Variants in PFKFB2 observed in about 807,000 individuals in gnomAD.
PFKFB2 encodes the protein 6-phosphofructo-2-kinase/fructose-2,6-biphosphatase 2.
In PFKFB2, 53 loss-of-function variants were observed where a neutral mutation model predicts 68.0. That is an observed-to-expected ratio of 0.78 (90% CI 0.63 to 0.98). PFKFB2 has a LOEUF of 0.98. Among genes scored for constraint, PFKFB2 ranks in the 50% least tolerant of loss-of-function variants. PFKFB2 has a pLI of 0.00. For missense variants in PFKFB2, 451 were observed against 642.0 expected, an observed-to-expected ratio of 0.70 and a Z score of 3.22; for synonymous variants, 222 against 227.6, an observed-to-expected ratio of 0.98 and a Z score of 0.22.
rs529879403 is a variant in PFKFB2, at chr1:207,064,931, C to T, written c.508-105C>T. 6.4e-5 allele frequency: 85 copies of T among 1,320,178 alleles called. No homozygotes were observed. The African/African-American group carries it at 6.9e-4, about 11-fold the overall frequency. The allele number at this position is 1,320,178 out of a possible 1,614,324, so 81.8% of individuals were successfully genotyped here. A position where few individuals can be genotyped will look rare whatever the true frequency, so the allele number is the denominator to read the frequency against. Reference sequence around the variant, plus strand: ...GGAGTGCCAATGTTCCAGTGAAAGGCGACATTTATGGACTTCTTTTTCTTT... The same window carrying T: ...GGAGTGCCAATGTTCCAGTGAAAGGTGACATTTATGGACTTCTTTTTCTTT... On this transcript the variant is annotated intron_variant, in intron 7 of 14. Coordinates refer to ENST00000367080, the MANE Select transcript of PFKFB2 (RefSeq NM_006212.2).
intron 1 of PFKFB2, among the ~76,000 whole-genome samples, chr1:207,053,734 G>A (rs1031614671): frequency 1.3e-5 from 2 of 152,010 alleles, no homozygotes; most frequent in African/African-American, 2.4e-5. Context: ...TGAGTCCCGG[G>A]GGTAACTAGG....
downstream of PFKFB2, chr1:207,080,004 C>T (rs186453644): frequency 6.6e-6 from 1 of 152,330 alleles, no homozygotes; most frequent in East Asian, 1.9e-4. Context: ...CCACTGGTCA[C>T]TATTGTGGTC....
chr1:207,077,561 G>A lies in PFKFB2; in HGVS notation c.*5190G>A. 1 of 985,796 alleles carries A rather than the reference G, an allele frequency of 1.0e-6. No individual in the cohort carries two copies. The highest frequency in any genetic ancestry group is 1.2e-6 in the Non-Finnish European group (1 of 829,934). 61.1% of individuals were successfully genotyped at this position (985,796 alleles called of 1,614,324 possible). A position where few individuals can be genotyped will look rare whatever the true frequency, so the allele number is the denominator to read the frequency against. ...CCTTTGGGAAGGGGGATGGTGTGGG[G>A]CTGAGCACCTCTGGGTTGAATGGGA... On this transcript the variant is annotated 3_prime_UTR_variant, in exon 15 of 15. Transcript: ENST00000367080.
At chr1:207,061,129 C>CTTTATATA (rs1683088594) in intron 2 of PFKFB2, among the ~76,000 whole-genome samples, 1 of 69,948 alleles carries the variant, frequency 1.4e-5, no homozygotes, top group Non-Finnish European at 2.9e-5. Context: ...TTATATATAT[C>CTTTATATA]TTTATATATA....
chr1:207,071,369 C>T, intron 13 of PFKFB2, 119 bp downstream of exon 13: 1 of 1,074,918 alleles, frequency 9.3e-7, no homozygotes, highest in Non-Finnish European at 1.4e-6. Flanking sequence ...TCCATCAGTG[C>T]CTTCTGTTTT....
Position 207,066,655 on chromosome 1 carries a change from T to C in PFKFB2, c.633-844T>C, listed in dbSNP as rs146150824. Among the ~76,000 whole-genome samples the C allele has an allele frequency of 2.8e-4, 42 of 152,262 alleles. No homozygotes were observed. The East Asian group carries it at 6.0e-3, about 22-fold the overall frequency. ...TTTTTTGATTTAAAATAAGCACTTA[T>C]GACTTTTTTTTTGAGATGGAGTCTC... is the stretch of plus-strand genomic sequence containing the variant. On this transcript the variant is annotated intron_variant, in intron 8 of 14. Transcript: ENST00000367080.
intron 10 of PFKFB2, among the ~76,000 whole-genome samples, chr1:207,068,520 C>T (rs1231706519): frequency 6.6e-6 from 1 of 152,164 alleles, no homozygotes; most frequent in Non-Finnish European, 1.5e-5. Context: ...CTGTGCCAAT[C>T]ATGGGACCCA....
Position 207,071,207 on chromosome 1 carries a change from A to C in PFKFB2, c.1242A>C (p.Arg414Ser). ...DKGADELPYL[R>S]CPLHTIFKLT... is the part of the protein sequence containing the mutation. ...TTTCAGATGAGCTACCATACTTGAG[A>C]TGCCCTCTCCATACCATCTTCAAAC... Residue 414 changes from arginine (R) to serine (S), a missense_variant, in exon 13 of 15, where the codon AGA becomes AGC. Physicochemically the swap from Arg to Ser is moderately radical, Grantham distance 110. Coordinates refer to ENST00000367080, the MANE Select transcript of PFKFB2 (RefSeq NM_006212.2). 6.2e-7 allele frequency: 1 copy of C among 1,613,874 alleles called. No individual in the cohort carries two copies. The highest frequency in any genetic ancestry group is 1.6e-4 in the Middle Eastern group (1 of 6,062).
intron 1 of PFKFB2, among the ~76,000 whole-genome samples, chr1:207,039,312 T>C (rs1214684880): frequency 6.6e-6 from 1 of 152,216 alleles, no homozygotes; most frequent in Admixed American, 6.5e-5. Context: ...TAAGTCATAG[T>C]GGAAGAAAGT....
chr1:207,049,247 T>TA, upstream of PFKFB2: 1 of 1,614,122 alleles, frequency 6.2e-7, no homozygotes, highest in African/African-American at 1.3e-5. Flanking sequence ...TCAGGGAAGT[T>TA]ACGCTGAAGT....
chr1:207,060,174 C>A (rs1204386622), intron 2 of PFKFB2, among the ~76,000 whole-genome samples: 1 of 152,166 alleles, frequency 6.6e-6, no homozygotes, highest in African/African-American at 2.4e-5. Context: ...TGATGAGGAA[C>A]CTCTTTTTAT....
intron 1 of PFKFB2, among the ~76,000 whole-genome samples, chr1:207,036,324 C>G (rs1468588866): frequency 6.6e-6 from 1 of 152,210 alleles, no homozygotes; most frequent in East Asian, 1.9e-4. Flanking sequence ...CACATGTCAG[C>G]ATTTCCTGCT....
chr1:207,062,167 CT>C, intron 3 of PFKFB2, 89 bp downstream of exon 3: 3 of 1,544,322 alleles, frequency 1.9e-6, no homozygotes, highest in Non-Finnish European at 2.7e-6. Context: ...GGCATCAATG[CT>C]ATAGGGTGCT....
chr1:207,062,846 C>A, intron 4 of PFKFB2, 130 bp downstream of exon 4: 1 of 926,184 alleles, frequency 1.1e-6, no homozygotes, highest in Non-Finnish European at 1.7e-6. Flanking sequence ...ATCTGATGGG[C>A]AAGTGACCTT....
intron 2 of PFKFB2, chr1:207,055,044 C>T: frequency 2.3e-6 from 1 of 432,464 alleles, no homozygotes; most frequent in Non-Finnish European, 4.2e-6. Context: ...TAAACTGAAT[C>T]TCTGTCTCCT....
intron 2 of PFKFB2, among the ~76,000 whole-genome samples, chr1:207,061,399 C>T (rs998905536): frequency 6.6e-6 from 1 of 151,340 alleles, no homozygotes; most frequent in African/African-American, 2.4e-5. Flanking sequence ...GTGAAGACCT[C>T]AGACATGTGG....
At chr1:207,064,158 A>G (rs1683212531) in intron 7 of PFKFB2, among the ~76,000 whole-genome samples, 1 of 152,112 alleles carries the variant, frequency 6.6e-6, no homozygotes, top group South Asian at 2.1e-4. Flanking sequence ...AGATGTTGGA[A>G]TAGATCAGCC....
rs1683548543 is a variant in PFKFB2 at position 207,073,994 on chromosome 1, G to T, written c.*1623G>T. The T allele has an allele frequency of 2.9e-5, 29 of 983,888 alleles. No homozygotes were observed. Among genetic ancestry groups the T allele is most frequent in the Non-Finnish European group, 3.4e-5 (28 of 828,656 alleles). 60.9% of individuals were successfully genotyped at this position (983,888 alleles called of 1,614,324 possible). On this transcript the variant is annotated 3_prime_UTR_variant, in exon 15 of 15. Transcript: ENST00000367080. Reference sequence around the variant, plus strand: ...ATTTGGTAATGGAAGACTTTTTGCTGTGGTTCTCATCCAGGAGTATTCCTT... The same window carrying T: ...ATTTGGTAATGGAAGACTTTTTGCTTTGGTTCTCATCCAGGAGTATTCCTT...
chr1:207,035,684 A>C (rs2791704), intron 1 of PFKFB2, among the ~76,000 whole-genome samples: 1 of 137,344 alleles, frequency 7.3e-6, no homozygotes, highest in African/African-American at 3.6e-5. Context: ...CAAAAAAAAC[A>C]AAAAAAGAAA....
Sources: allele counts gnomAD v4.1 joint callset (sites outside exome capture counted in the v4.1 genomes callset), GRCh38; gene constraint gnomAD v4.1.1; transcripts MANE v1.5; gene names NCBI Gene and HGNC (gene_info 2026-07-23, HGNC 2026-07-21).